The following GRIK4 variants were observed in gnomAD, a reference collection of about 807,000 sequenced individuals.
GRIK4 encodes the protein glutamate receptor ionotropic, kainate 4.
A neutral mutation model predicts 104.9 loss-of-function variants in GRIK4; 40 were observed. The observed-to-expected ratio is 0.38, with a 90% confidence interval of 0.30 to 0.50. The LOEUF (loss-of-function observed/expected upper bound fraction) is 0.50. Ranked by LOEUF, GRIK4 falls within the 20% of genes least tolerant of loss-of-function variation. GRIK4 has a pLI of 0.93. For missense variants in GRIK4, 1,047 were observed against 1,308.1 expected, an observed-to-expected ratio of 0.80 and a Z score of 3.08; for synonymous variants, 485 against 524.9, an observed-to-expected ratio of 0.92 and a Z score of 1.04.
At chr11:120,634,358 G>A (rs143021799) in intron 1 of GRIK4, among the ~76,000 whole-genome samples, 2 of 152,200 alleles carry the variant, frequency 1.3e-5, no homozygotes, top group Non-Finnish European at 2.9e-5. Context: ...AGGCGGAGCT[G>A]GCATTCAAAC....
intron 2 of GRIK4, among the ~76,000 whole-genome samples, chr11:120,654,765 C>T (rs1247510702): frequency 2.2e-4 from 34 of 152,106 alleles, no homozygotes; most frequent in Non-Finnish European, 1.2e-4. Flanking sequence ...CCCCATATTA[C>T]GAATGAAGAA....
In GRIK4 at chr11:120,674,002, C is replaced by T. The variant is rs116131159; in HGVS notation, c.82+13602C>T. On this transcript the variant is annotated intron_variant, in intron 3 of 20. Transcript: ENST00000527524. ...TACCGTTCTAGCTCTGTCTGTTCTTCGGGGCCATACAGAACAGGCCTGGTG... is the reference window on the plus strand; with the variant it reads ...TACCGTTCTAGCTCTGTCTGTTCTTTGGGGCCATACAGAACAGGCCTGGTG... Among the ~76,000 whole-genome samples, 234 of 152,310 alleles carry T rather than the reference C, an allele frequency of 1.5e-3. 2 individuals carry two copies. Among genetic ancestry groups the T allele is most frequent in the African/African-American group, 5.4e-3 (224 of 41,566 alleles).
chr11:120,957,828 C>T (rs1944197214), intron 16 of GRIK4, among the ~76,000 whole-genome samples: 1 of 152,204 alleles, frequency 6.6e-6, no homozygotes, highest in African/African-American at 2.4e-5. Context: ...GACAGAATTA[C>T]TGGAGGAGCC....
intron 1 of GRIK4, among the ~76,000 whole-genome samples, chr11:120,523,995 C>T (rs940140254): frequency 1.8e-4 from 28 of 151,552 alleles, no homozygotes; most frequent in Admixed American, 1.1e-3. Flanking sequence ...GGCACGATCT[C>T]GGCTCACTGC....
chr11:120,878,471 C>T (rs1459349821), intron 11 of GRIK4, among the ~76,000 whole-genome samples: 1 of 152,198 alleles, frequency 6.6e-6, no homozygotes, highest in Non-Finnish European at 1.5e-5. Flanking sequence ...ATCCTACCCC[C>T]ATCTTTTTGA....
chr11:120,665,514 G>A (rs1346333038), intron 3 of GRIK4, among the ~76,000 whole-genome samples: 2 of 152,200 alleles, frequency 1.3e-5, no homozygotes, highest in Non-Finnish European at 1.5e-5. Flanking sequence ...ATTCATGTCT[G>A]TATTTCCAGA....
chr11:120,856,066 G>A (rs1231087538), intron 8 of GRIK4, among the ~76,000 whole-genome samples: 1 of 152,232 alleles, frequency 6.6e-6, no homozygotes, highest in African/African-American at 2.4e-5. Context: ...CAGCACGGAG[G>A]ATGGATTGCA....
chr11:120,742,075 G>A (rs966048996), intron 3 of GRIK4, among the ~76,000 whole-genome samples: 1 of 152,148 alleles, frequency 6.6e-6, no homozygotes, highest in African/African-American at 2.4e-5. Context: ...TCCGGGCATG[G>A]TGGCTCATGC....
chr11:120,722,970 C>A lies in GRIK4; in HGVS notation c.82+62570C>A, dbSNP rs189189368. On this transcript the variant is annotated intron_variant, in intron 3 of 20. Coordinates refer to ENST00000527524, the MANE Select transcript of GRIK4 (RefSeq NM_014619.5). ...TAACTAACAGGGCTTTATCCTGACA[C>A]CAGCCATTCCTCATCCGTAAATGGT... Among the ~76,000 whole-genome samples, 1,235 of 152,294 alleles carry A rather than the reference C, an allele frequency of 8.1e-3. 13 individuals carry two copies. The highest frequency in any genetic ancestry group is 0.026 in the African/African-American group (1,098 of 41,558).
chr11:120,722,513 C>G (rs1950951801), intron 3 of GRIK4, among the ~76,000 whole-genome samples: 1 of 151,758 alleles, frequency 6.6e-6, no homozygotes, highest in African/African-American at 2.4e-5. Flanking sequence ...GAGGCTGAGG[C>G]AGGAGAATCA....
At chr11:120,786,083 G>A (rs905396184) in intron 3 of GRIK4, among the ~76,000 whole-genome samples, 1 of 152,156 alleles carries the variant, frequency 6.6e-6, no homozygotes, top group Non-Finnish European at 1.5e-5. Context: ...CCGTTCTCAT[G>A]TAGGGCTCCT....
intron 1 of GRIK4, among the ~76,000 whole-genome samples, chr11:120,537,245 CA>C (rs1947987054): frequency 1.3e-5 from 2 of 152,120 alleles, no homozygotes; most frequent in Admixed American, 1.3e-4. Context: ...TTGTCTCTTC[CA>C]TGGTTGCATC....
chr11:120,742,345 CAA>C (rs755002657), intron 3 of GRIK4, among the ~76,000 whole-genome samples: 8 of 74,112 alleles, frequency 1.1e-4, no homozygotes, highest in Admixed American at 1.6e-4. Flanking sequence ...GACTCCGTTT[CAA>C]AAAAAAAAAA....
rs759194116 is a variant in GRIK4 at position 120,633,067 on chromosome 11, G to A, written c.-158-20618G>A. On this transcript the variant is annotated intron_variant, in intron 1 of 20. Coordinates refer to ENST00000527524, the MANE Select transcript of GRIK4 (RefSeq NM_014619.5). The stretch of plus-strand genomic sequence containing the variant: ...TGGCACCTTGGTCATCTGATCCTAA[G>A]TTCAGTGCCCTTTGCCTTGGGTGGC... Among the ~76,000 whole-genome samples, 12 of 152,202 alleles carry A rather than the reference G, an allele frequency of 7.9e-5. No homozygotes were observed. The Middle Eastern group carries it at 0.017, about 216-fold the overall frequency.
intron 3 of GRIK4, among the ~76,000 whole-genome samples, chr11:120,761,923 G>T (rs1951756910): frequency 6.6e-6 from 1 of 152,082 alleles, no homozygotes; most frequent in Admixed American, 6.5e-5. Flanking sequence ...GATTGCCTTG[G>T]CTATACGGAC....
chr11:120,623,166 A>C (rs1364166331), intron 1 of GRIK4, among the ~76,000 whole-genome samples: 1 of 152,148 alleles, frequency 6.6e-6, no homozygotes, highest in African/African-American at 2.4e-5. Context: ...TTTTTCAGAC[A>C]GGGTCTTGCT....
At chr11:120,910,643 T>C (rs1164809315) in intron 13 of GRIK4, among the ~76,000 whole-genome samples, 1 of 152,212 alleles carries the variant, frequency 6.6e-6, no homozygotes, top group East Asian at 1.9e-4. Flanking sequence ...GGGCCCTCTG[T>C]CTCATGCCAG....
chr11:120,874,245 G>C lies in GRIK4; in HGVS notation c.1059+27G>C, dbSNP rs1490443878. The C allele has an allele frequency of 5.0e-6, 8 of 1,592,072 alleles. No homozygotes were observed. The South Asian group carries it at 7.8e-5, about 15-fold the overall frequency. ...TGAGGAGCGGCTGAGGCCCTGCAGG[G>C]CTGTGCCCAGGCTAGTGGGGTGGGA... On this transcript the variant is annotated intron_variant, in intron 10 of 20. Transcript: ENST00000527524.
rs148852612 is a variant in GRIK4, at chr11:120,529,209, C to T, written c.-159+17322C>T. 4.0e-3 allele frequency among the ~76,000 whole-genome samples: 612 copies of T among 152,218 alleles called. 7 individuals are homozygous for T. The highest frequency in any genetic ancestry group is 0.014 in the African/African-American group (563 of 41,538). ...TCCCACCTTGCATTGTAACCTACAA[C>T]TTACATTGTAGCACTGAGCTGTGGG... On this transcript the variant is annotated intron_variant, in intron 1 of 20. Transcript: ENST00000527524.
Sources: gnomAD v4.1 joint callset for allele counts (sites outside exome capture counted in the v4.1 genomes callset) on GRCh38, gnomAD v4.1.1 for gene constraint, MANE v1.5 for transcripts, NCBI Gene and HGNC (gene_info 2026-07-23, HGNC 2026-07-21) for gene names.